Variants in DENND1B observed in about 807,000 individuals in gnomAD.
The protein encoded by DENND1B is DENN domain-containing protein 1B.
A neutral mutation model predicts 90.1 loss-of-function variants in DENND1B; 59 were observed. The ratio of observed to expected loss-of-function variants is 0.65; its 90% CI spans 0.53 to 0.81. The LOEUF (loss-of-function observed/expected upper bound fraction) is 0.81, where lower values mean the gene tolerates loss of function less well. Among genes scored for constraint, DENND1B ranks in the 40% least tolerant of loss-of-function variants. DENND1B has a pLI of 0.00. For synonymous variants in DENND1B, 337 were observed against 324.6 expected (o/e 1.04, Z -0.41); for missense variants, 862 against 912.6 (o/e 0.94, Z 0.71).
intron 13 of DENND1B, among the ~76,000 whole-genome samples, chr1:197,598,264 T>A (rs1675887300): frequency 6.6e-6 from 1 of 151,856 alleles, no homozygotes; most frequent in Non-Finnish European, 1.5e-5. Flanking sequence ...TCTGAAGTTG[T>A]TCCTGTTTTT....
chr1:197,781,525 T>C, the DENND1B span, among the ~76,000 whole-genome samples: 2 of 152,224 alleles, frequency 1.3e-5, no homozygotes, highest in Non-Finnish European at 1.5e-5. Context: ...AACATCCTCC[T>C]GGCATGTTGT....
chr1:197,613,695 T>A (rs1407364499), intron 11 of DENND1B, among the ~76,000 whole-genome samples: 2 of 132,952 alleles, frequency 1.5e-5, no homozygotes, highest in Non-Finnish European at 3.2e-5. Flanking sequence ...CAACAAGGTT[T>A]TGATACCTTT....
rs146709043 is a variant in DENND1B, at chr1:197,644,347, T to A, written c.561+1343A>T. On this transcript the variant is annotated intron_variant, in intron 9 of 22. Coordinates refer to ENST00000620048, the MANE Select transcript of DENND1B (RefSeq NM_001195215.2). ...AAAAATACATATTCTCAGTGGCAGT[T>A]TTTCCTTTGAATGTTTGTTTCCTTG... Among the ~76,000 whole-genome samples, 103 of 152,372 alleles carry A rather than the reference T, an allele frequency of 6.8e-4. No individual in the cohort carries two copies. In the East Asian group the frequency reaches 0.02, roughly 29 times the overall value.
rs1667903355 is a variant in DENND1B, at chr1:197,509,828, TG to T, written c.*631del. 6.6e-6 allele frequency: 1 copy of T among 152,204 alleles called. No homozygotes were observed. 9.4% of individuals were successfully genotyped at this position (152,204 alleles called of 1,614,324 possible). On this transcript the variant is annotated 3_prime_UTR_variant, in exon 23 of 23. Coordinates refer to ENST00000620048, the MANE Select transcript of DENND1B (RefSeq NM_001195215.2). ...GGTAAGTGTATATTTTTATACTTTT[TG>T]GAAAACATGGCTATAGTGCTTTATA...
intron 2 of DENND1B, among the ~76,000 whole-genome samples, chr1:197,762,699 T>C (rs964995887): frequency 9.9e-5 from 15 of 152,142 alleles, no homozygotes; most frequent in Non-Finnish European, 2.2e-4. Context: ...CTACCTTGCC[T>C]CATTTCCTCT....
intron 14 of DENND1B, among the ~76,000 whole-genome samples, chr1:197,590,347 G>A (rs918146473): frequency 6.6e-6 from 1 of 152,086 alleles, no homozygotes; most frequent in Non-Finnish European, 1.5e-5. Flanking sequence ...TATGGTTACA[G>A]AGTCTTGTGC....
intron 15 of DENND1B, among the ~76,000 whole-genome samples, chr1:197,558,071 G>T (rs1459460286): frequency 6.6e-6 from 1 of 151,766 alleles, no homozygotes; most frequent in African/African-American, 2.4e-5. Context: ...AAATAGCATT[G>T]TTAATAACAA....
chr1:197,731,504 T>C (rs1386098647), intron 2 of DENND1B, among the ~76,000 whole-genome samples: 2 of 152,140 alleles, frequency 1.3e-5, no homozygotes, highest in African/African-American at 4.8e-5. Flanking sequence ...TATAATTATA[T>C]CTTCAGTGAA....
At chr1:197,739,126 GA>G (rs1434106698) in intron 2 of DENND1B, among the ~76,000 whole-genome samples, 3 of 152,118 alleles carry the variant, frequency 2.0e-5, no homozygotes, top group Non-Finnish European at 4.4e-5. Context: ...AAATGGGGGG[GA>G]AATCCCAGGA....
intron 20 of DENND1B, among the ~76,000 whole-genome samples, chr1:197,527,178 T>G (rs946664429): frequency 6.6e-6 from 1 of 152,252 alleles, no homozygotes. Flanking sequence ...AGTCTACATA[T>G]ATCTTTGGAA....
rs1021169290 is a variant in DENND1B, at chr1:197,507,873, T to G, written c.*2587A>C. On this transcript the variant is annotated 3_prime_UTR_variant, in exon 23 of 23. Transcript: ENST00000620048. The stretch of plus-strand genomic sequence containing the variant: ...TTTGAAATACAAATACTTGGTAGTA[T>G]TATTCTGGATGTTTTTAAAGAATAA... 3 of 151,716 alleles carry G rather than the reference T, an allele frequency of 2.0e-5. No homozygotes were observed. Among genetic ancestry groups the G allele is most frequent in the Non-Finnish European group, 4.4e-5 (3 of 67,758 alleles). The allele number at this position is 151,716 out of a possible 1,614,324, so 9.4% of individuals were successfully genotyped here. A position where few individuals can be genotyped will look rare whatever the true frequency, so the allele number is the denominator to read the frequency against.
At chr1:197,647,003 T>C (rs1680779230) in intron 8 of DENND1B, 52 bp downstream of exon 8, 2 of 1,338,724 alleles carry the variant, frequency 1.5e-6, no homozygotes, top group Non-Finnish European at 2.0e-6. Flanking sequence ...AATAAGTGAT[T>C]ATTTTTCCTA....
intron 2 of DENND1B, among the ~76,000 whole-genome samples, chr1:197,728,036 T>C (rs1017455693): frequency 3.3e-5 from 5 of 152,220 alleles, no homozygotes; most frequent in African/African-American, 1.2e-4. Context: ...AAACTTTTAC[T>C]GAAATTCTAT....
At chr1:197,624,572 G>C (rs1678479247) in intron 10 of DENND1B, among the ~76,000 whole-genome samples, 1 of 151,472 alleles carries the variant, frequency 6.6e-6, no homozygotes, top group Non-Finnish European at 1.5e-5. Flanking sequence ...TGATAAGCTG[G>C]ATTTCATTAA....
chr1:197,595,280 T>C lies in DENND1B; in HGVS notation c.975A>G (p.Gly325=). The C allele has an allele frequency of 4.3e-6, 7 of 1,613,304 alleles. No homozygotes were observed. Among genetic ancestry groups the C allele is most frequent in the Non-Finnish European group, 5.9e-6 (7 of 1,179,368 alleles). ...LKKQSTATGD[G]VARAFLRAQA... ...GTGCTCTAAGAAAGGCCCTAGCTAC[T>C]CCATCACCCGTAGCTGTAGACTGCT... Residue 325 remains glycine, a synonymous_variant, in exon 14 of 23, where the codon GGA becomes GGG. Coordinates refer to ENST00000620048, the MANE Select transcript of DENND1B (RefSeq NM_001195215.2).
rs148607487 is a variant in DENND1B, at chr1:197,747,065, G to A, written c.82+25803C>T. The stretch of plus-strand genomic sequence containing the variant: ...TCATTGACTCCAAAATACTGAGTAA[G>A]CTCCTTCCACTGGGTTTCATTTGAG... On this transcript the variant is annotated intron_variant, in intron 2 of 22. Coordinates refer to ENST00000620048, the MANE Select transcript of DENND1B (RefSeq NM_001195215.2). 4,867 of 783,678 alleles carry A rather than the reference G, an allele frequency of 6.2e-3. 84 individuals carry two copies. The highest frequency in any genetic ancestry group is 0.053 in the East Asian group (2,143 of 40,788). 48.5% of individuals were successfully genotyped at this position (783,678 alleles called of 1,614,324 possible).
chr1:197,580,157 A>G (rs897282829), intron 15 of DENND1B, among the ~76,000 whole-genome samples: 1 of 139,004 alleles, frequency 7.2e-6, no homozygotes, highest in African/African-American at 2.7e-5. Context: ...CAGTGGTGCA[A>G]TCTCAGTCAC....
intron 10 of DENND1B, among the ~76,000 whole-genome samples, chr1:197,630,475 C>A (rs1679229539): frequency 6.6e-6 from 1 of 152,040 alleles, no homozygotes; most frequent in Non-Finnish European, 1.5e-5. Context: ...TTCCTAAATG[C>A]CCTAACTCTT....
intron 3 of DENND1B, among the ~76,000 whole-genome samples, chr1:197,698,913 T>G (rs1658733475): frequency 6.6e-6 from 1 of 152,172 alleles, no homozygotes. Context: ...ATTGAGGCAG[T>G]AATTAATAGC....
Sources: allele counts gnomAD v4.1 joint callset (sites outside exome capture counted in the v4.1 genomes callset), GRCh38; gene constraint gnomAD v4.1.1; transcripts MANE v1.5; gene names NCBI Gene and HGNC (gene_info 2026-07-23, HGNC 2026-07-21).